RSU1: variants seen among roughly 807,000 people sequenced by gnomAD.
RSU1 encodes the protein Ras suppressor protein 1.
Under a neutral mutation model 31.1 loss-of-function variants are expected in RSU1, and 26 were observed. The observed-to-expected ratio is 0.84, with a 90% CI of 0.61 to 1.16. RSU1 has a LOEUF of 1.16. RSU1 is among the 50% of genes most tolerant of loss of function. The pLI, the probability that RSU1 is intolerant of heterozygous loss-of-function variation, is 0.00. For missense variants in RSU1, 320 were observed against 339.1 expected (o/e 0.94, Z 0.44); for synonymous variants, 164 against 136.3 (o/e 1.20, Z -1.41).
At chr10:16,787,126 A>G (rs539463087) in intron 2 of RSU1, among the ~76,000 whole-genome samples, 3 of 152,200 alleles carry the variant, frequency 2.0e-5, no homozygotes, top group South Asian at 4.1e-4. Context: ...ATGGTTCATA[A>G]TCTGGAGACA....
intron 7 of RSU1, among the ~76,000 whole-genome samples, chr10:16,721,197 T>TA (rs1405264565): frequency 6.6e-6 from 1 of 152,030 alleles, no homozygotes; most frequent in Non-Finnish European, 1.5e-5. Flanking sequence ...TGACCCAGTG[T>TA]AGAGAGAACA....
intron 7 of RSU1, among the ~76,000 whole-genome samples, chr10:16,696,054 C>A (rs1835668285): frequency 6.6e-6 from 1 of 152,066 alleles, no homozygotes; most frequent in East Asian, 1.9e-4. Context: ...AAAGAACTTC[C>A]TAAAATGCGC....
intron 7 of RSU1, among the ~76,000 whole-genome samples, chr10:16,740,664 T>C (rs1048954774): frequency 1.9e-4 from 29 of 152,298 alleles, no homozygotes; most frequent in African/African-American, 6.5e-4. Flanking sequence ...TCTTCCCACA[T>C]ACTAGCAACC....
rs1223031684 is a variant in RSU1 at position 16,593,253 on chromosome 10, G to A, written c.*141C>T. ...AGCAAAAGAATCTAAAAGGTAAGGTGGGAAGCATTAGAAAGAGAGTGAAAA... is the reference window on the plus strand; with the variant it reads ...AGCAAAAGAATCTAAAAGGTAAGGTAGGAAGCATTAGAAAGAGAGTGAAAA... On this transcript the variant is annotated 3_prime_UTR_variant, in exon 9 of 9. Coordinates refer to ENST00000345264, the MANE Select transcript of RSU1 (RefSeq NM_012425.4). 9 of 1,427,322 alleles carry A rather than the reference G, an allele frequency of 6.3e-6. 1 individual carries two copies. Among genetic ancestry groups the A allele is most frequent in the South Asian group, 6.0e-5 (4 of 66,602 alleles). 88.4% of individuals were successfully genotyped at this position (1,427,322 alleles called of 1,614,324 possible). A position where few individuals can be genotyped will look rare whatever the true frequency, so the allele number is the denominator to read the frequency against.
In RSU1 at chr10:16,592,690, T is replaced by TC. The variant is rs1588663274; in HGVS notation, c.*703dup. The TC allele has an allele frequency of 6.6e-6, 1 of 152,174 alleles. No homozygotes were observed. The highest frequency in any genetic ancestry group is 1.9e-4 in the East Asian group (1 of 5,200). The allele number at this position is 152,174 out of a possible 1,614,324, so 9.4% of individuals were successfully genotyped here. A position where few individuals can be genotyped will look rare whatever the true frequency, so the allele number is the denominator to read the frequency against. On this transcript the variant is annotated 3_prime_UTR_variant, in exon 9 of 9. Coordinates refer to ENST00000345264, the MANE Select transcript of RSU1 (RefSeq NM_012425.4). Reference sequence around the variant, plus strand: ...GCAGAATCTCCTAGAGATTTGTTTTTCTGCTTCCTAATTTAGAAAGTCTTC... The same window carrying TC: ...GCAGAATCTCCTAGAGATTTGTTTTTCCTGCTTCCTAATTTAGAAAGTCTTC...
chr10:16,668,422 A>G (rs1835040074), intron 8 of RSU1, among the ~76,000 whole-genome samples: 1 of 152,218 alleles, frequency 6.6e-6, no homozygotes, highest in East Asian at 1.9e-4. Context: ...AGATCCTGTG[A>G]GCAAAATATA....
intron 3 of RSU1, among the ~76,000 whole-genome samples, chr10:16,778,170 GTTTT>G (rs1002172572): frequency 6.6e-6 from 1 of 151,632 alleles, no homozygotes; most frequent in Non-Finnish European, 1.5e-5. Flanking sequence ...CCTGGCTCAT[GTTTT>G]TTTTAAGAGA....
intron 8 of RSU1, among the ~76,000 whole-genome samples, chr10:16,601,335 T>G (rs1833711524): frequency 6.6e-6 from 1 of 152,212 alleles, no homozygotes; most frequent in Non-Finnish European, 1.5e-5. Flanking sequence ...TCCTCTACAG[T>G]AGAAGTTCTT....
At chr10:16,638,508 G>A (rs1045238236) in intron 8 of RSU1, among the ~76,000 whole-genome samples, 1 of 152,166 alleles carries the variant, frequency 6.6e-6, no homozygotes, top group Non-Finnish European at 1.5e-5. Context: ...GTCAATCACC[G>A]AGTGTTAGTT....
At chr10:16,780,347 T>C (rs536187246) in intron 3 of RSU1, among the ~76,000 whole-genome samples, 1 of 152,342 alleles carries the variant, frequency 6.6e-6, no homozygotes, top group African/African-American at 2.4e-5. Flanking sequence ...AACCTCGACC[T>C]ACTGGGCTCA....
chr10:16,678,307 G>A (rs572611460), intron 8 of RSU1, among the ~76,000 whole-genome samples: 2 of 152,266 alleles, frequency 1.3e-5, no homozygotes, highest in South Asian at 4.1e-4. Flanking sequence ...CAAGAACATA[G>A]GAAAGCCTAA....
chr10:16,709,260 C>T (rs987277731), intron 7 of RSU1, among the ~76,000 whole-genome samples: 1 of 151,760 alleles, frequency 6.6e-6, no homozygotes, highest in African/African-American at 2.4e-5. Flanking sequence ...GTTTTTTGTC[C>T]TTGCGATAGT....
At chr10:16,706,681 T>C (rs188004980) in intron 7 of RSU1, among the ~76,000 whole-genome samples, 1 of 152,334 alleles carries the variant, frequency 6.6e-6, no homozygotes, top group East Asian at 1.9e-4. Context: ...TTATCCAATC[T>C]GGGTGGCTAG....
At chr10:16,633,253 A>G (rs1834283269) in intron 8 of RSU1, among the ~76,000 whole-genome samples, 1 of 152,154 alleles carries the variant, frequency 6.6e-6, no homozygotes, top group African/African-American at 2.4e-5. Flanking sequence ...TCATTGCTTT[A>G]GAGTTACAAA....
At chr10:16,682,055 G>C (rs1029281311) in intron 8 of RSU1, among the ~76,000 whole-genome samples, 3 of 152,110 alleles carry the variant, frequency 2.0e-5, no homozygotes, top group African/African-American at 7.2e-5. Context: ...CATGAGAAGA[G>C]AATTCTGTGC....
chr10:16,801,776 C>T (rs985342307), intron 2 of RSU1, among the ~76,000 whole-genome samples: 1 of 151,908 alleles, frequency 6.6e-6, no homozygotes, highest in African/African-American at 2.4e-5. Context: ...CAACATATTT[C>T]TAAATAACAT....
chr10:16,762,119 C>T (rs1414170980), intron 4 of RSU1, among the ~76,000 whole-genome samples: 2 of 151,990 alleles, frequency 1.3e-5, no homozygotes, highest in Non-Finnish European at 1.5e-5. Context: ...AGGTCAGGGA[C>T]CATAACCTTC....
chr10:16,699,278 C>T (rs1482235402), intron 7 of RSU1, among the ~76,000 whole-genome samples: 2 of 152,168 alleles, frequency 1.3e-5, no homozygotes, highest in South Asian at 2.1e-4. Context: ...GTTTCTGTAG[C>T]GCTGCAACCC....
rs1202967900 is a variant in RSU1 at position 16,817,045 on chromosome 10, G to C, written c.37C>G (p.Arg13Gly). 3 of 1,614,156 alleles carry C rather than the reference G, an allele frequency of 1.9e-6. No homozygotes were observed. The highest frequency in any genetic ancestry group is 2.2e-5 in the East Asian group (1 of 44,884). ...TCCACCTCGGGCTGGTTCTTCTCCC[G>C]GCTCTCCTCCACCAACTTCTTCAGA... ...KSLKKLVEESREKNQPEVDMS... is the reference protein window; with the variant it reads ...KSLKKLVEESGEKNQPEVDMS... Residue 13 changes from arginine to glycine, a missense_variant, in exon 2 of 9, where the codon CGG (arginine) becomes GGG (glycine). Coordinates refer to ENST00000345264, the MANE Select transcript of RSU1 (RefSeq NM_012425.4).
Sources: gnomAD v4.1 joint callset for allele counts (sites outside exome capture counted in the v4.1 genomes callset) on GRCh38, gnomAD v4.1.1 for gene constraint, MANE v1.5 for transcripts, NCBI Gene and HGNC (gene_info 2026-07-23, HGNC 2026-07-21) for gene names.